HEATR5B: variants seen among roughly 807,000 people sequenced by gnomAD.
The protein encoded by HEATR5B is HEAT repeat containing 5B.
A neutral mutation model predicts 224.1 loss-of-function variants in HEATR5B; 156 were observed. The observed-to-expected ratio is 0.70, with a 90% CI of 0.61 to 0.80. HEATR5B has a LOEUF of 0.80. Among genes scored for constraint, HEATR5B ranks in the 30% least tolerant of loss-of-function variants. HEATR5B has a pLI of 0.00. For synonymous variants in HEATR5B, 1,027 were observed against 893.0 expected (o/e 1.15, Z -2.68); for missense variants, 2,323 against 2,535.5 (o/e 0.92, Z 1.80).
At chr2:37,008,954 T>G in intron 27 of HEATR5B, 106 bp from the exon 28 acceptor site, 3 of 821,198 alleles carry the variant, frequency 3.7e-6, no homozygotes, top group Non-Finnish European at 5.8e-6. Context: ...TAACTGGGTA[T>G]AGATATTAGA....
In HEATR5B at chr2:37,070,333, G is replaced by A; in HGVS notation, c.824C>T (p.Ala275Val). The A allele has an allele frequency of 6.2e-7, 1 of 1,613,722 alleles. No individual in the cohort carries two copies. The highest frequency in any genetic ancestry group is 1.1e-5 in the South Asian group (1 of 91,064). Residue 275 changes from alanine (A) to valine (V), a missense_variant, in exon 7 of 36, where the codon GCC becomes GTC. Physicochemically the swap from Ala to Val is moderately conservative, Grantham distance 64. Transcript: ENST00000233099. ...ATFDEVLELMATGFLRGGSGF... is the reference protein window; with the variant it reads ...ATFDEVLELMVTGFLRGGSGF... ...TGACCCTCCACGCAGAAATCCTGTGGCCATGAGTTCTAAGACTTCATCAAA... is the reference window on the plus strand; with the variant it reads ...TGACCCTCCACGCAGAAATCCTGTGACCATGAGTTCTAAGACTTCATCAAA...
chr2:36,992,952 T>C (rs1173239247), intron 33 of HEATR5B, among the ~76,000 whole-genome samples: 1 of 152,128 alleles, frequency 6.6e-6, no homozygotes, highest in African/African-American at 2.4e-5. Flanking sequence ...TCCGAACTTC[T>C]GGCCTAAAGC....
At chr2:36,983,112 C>T (rs62133071) in intron 35 of HEATR5B, among the ~76,000 whole-genome samples, 31,795 of 151,988 alleles carry the variant, frequency 0.21, 4,271 homozygotes, top group East Asian at 0.64. Context: ...CAGAAGTTTC[C>T]AATTAAATGG....
chr2:37,020,841 A>G lies in HEATR5B; in HGVS notation c.3854-5T>C, dbSNP rs10203555. ...GATGAAGTACCAAGAGGTCATCTAA[A>G]AATAAAAATAGAATGCAAAAATGAA... On this transcript the variant is annotated splice_polypyrimidine_tract_variant and splice_region_variant and intron_variant, in intron 24 of 35. Transcript: ENST00000233099. 1.9e-5 allele frequency: 28 copies of G among 1,470,360 alleles called. No homozygotes were observed. Among genetic ancestry groups the G allele is most frequent in the Non-Finnish European group, 9.0e-7 (1 of 1,105,346 alleles). 91.1% of individuals were successfully genotyped at this position (1,470,360 alleles called of 1,614,324 possible).
chr2:37,048,013 AC>A (rs1461454977), intron 18 of HEATR5B, among the ~76,000 whole-genome samples: 19 of 152,190 alleles, frequency 1.2e-4, no homozygotes, highest in Non-Finnish European at 1.0e-4. Context: ...AAAATGGGTA[AC>A]AAAATCTTCG....
Position 37,057,326 on chromosome 2 carries a change from A to G in HEATR5B, c.2214T>C (p.Ile738=). Reference sequence around the variant, plus strand: ...CCTCTATGTTTATTACCTGGTCTTCAATTGATTTATGATCAGTTTCCTGAA... The same window carrying G: ...CCTCTATGTTTATTACCTGGTCTTCGATTGATTTATGATCAGTTTCCTGAA... The part of the protein sequence containing the change: ...SWLQETDHKS[I]EDQLQPNSAS... The change falls in exon 15 of 36, where the codon ATT becomes ATC. Residue 738 remains isoleucine (I), a synonymous_variant. Transcript: ENST00000233099. 6.2e-7 allele frequency: 1 copy of G among 1,601,390 alleles called. No homozygotes were observed. Among genetic ancestry groups the G allele is most frequent in the Non-Finnish European group, 8.5e-7 (1 of 1,175,702 alleles).
rs560173881 is a variant in HEATR5B, at chr2:37,014,974, AAAAG to A, written c.4105-958_4105-955del. Among the ~76,000 whole-genome samples, 5 of 152,150 alleles carry A rather than the reference AAAAG, an allele frequency of 3.3e-5. No individual in the cohort carries two copies. The East Asian group carries it at 9.6e-4, about 29-fold the overall frequency. ...CCACGACAGGGCGAGACTTTGTCTCAAAAGAAAGAAAGAAAAAAAAAGGAATAGG... is the reference window on the plus strand; with the variant it reads ...CCACGACAGGGCGAGACTTTGTCTCAAAAGAAAGAAAAAAAAAGGAATAGG... On this transcript the variant is annotated intron_variant, in intron 26 of 35. Transcript: ENST00000233099.
chr2:36,998,541 C>T (rs560197393), intron 33 of HEATR5B, among the ~76,000 whole-genome samples: 25 of 152,212 alleles, frequency 1.6e-4, no homozygotes, highest in African/African-American at 6.0e-4. Context: ...GGTGTACATC[C>T]TAGAAAATCT....
At chr2:37,007,016 A>T in intron 29 of HEATR5B, 34 bp downstream of exon 29, 2 of 1,594,348 alleles carry the variant, frequency 1.3e-6, no homozygotes, top group Non-Finnish European at 1.7e-6. Flanking sequence ...TTCAGAAGTG[A>T]TAATCTTGAA....
At chr2:37,016,930 T>G (rs2148425962) in intron 26 of HEATR5B, among the ~76,000 whole-genome samples, 1 of 152,186 alleles carries the variant, frequency 6.6e-6, no homozygotes, top group East Asian at 1.9e-4. Flanking sequence ...TAATTAAATT[T>G]AAAGTGAAAA....
At chr2:37,033,723 C>T (rs188060131) in intron 21 of HEATR5B, among the ~76,000 whole-genome samples, 321 of 152,304 alleles carry the variant, frequency 2.1e-3, no homozygotes, top group Non-Finnish European at 3.5e-3. Context: ...GGCTCTGTCA[C>T]TTATTCCTGT....
chr2:36,988,319 C>T (rs1244858163), intron 35 of HEATR5B, among the ~76,000 whole-genome samples: 1 of 151,238 alleles, frequency 6.6e-6, no homozygotes, highest in Non-Finnish European at 1.5e-5. Flanking sequence ...CTGGAGTGCG[C>T]TGGCATGATC....
At chr2:37,020,965 A>G in intron 24 of HEATR5B, 129 bp from the exon 25 acceptor site, 1 of 588,724 alleles carries the variant, frequency 1.7e-6, no homozygotes. Flanking sequence ...TGAAAATAGC[A>G]AAGATATTAT....
intron 33 of HEATR5B, among the ~76,000 whole-genome samples, chr2:36,999,473 T>C (rs1483715545): frequency 6.7e-6 from 1 of 149,648 alleles, no homozygotes; most frequent in Non-Finnish European, 1.5e-5. Flanking sequence ...AGGTCAGGAG[T>C]TTGAGATCAG....
Position 36,991,690 on chromosome 2 carries a change from A to C in HEATR5B, c.5546-891T>G, listed in dbSNP as rs186925374. On this transcript the variant is annotated intron_variant, in intron 33 of 35. Transcript: ENST00000233099. ...TCTGAACATATAAAATACGAGTTCCAAACATTTTGTGATTATCATTTCTTC... is the reference window on the plus strand; with the variant it reads ...TCTGAACATATAAAATACGAGTTCCCAACATTTTGTGATTATCATTTCTTC... Among the ~76,000 whole-genome samples the C allele has an allele frequency of 2.0e-5, 3 of 152,304 alleles. No homozygotes were observed. In the East Asian group the frequency reaches 5.8e-4, roughly 29 times the overall value.
chr2:37,079,204 G>A lies in HEATR5B; in HGVS notation c.254C>T (p.Thr85Ile), dbSNP rs558876558. ...NLAALYSIGDTFTVFQTLDKC... is the reference protein window; with the variant it reads ...NLAALYSIGDIFTVFQTLDKC... The stretch of plus-strand genomic sequence containing the variant: ...ATCAAGTGTCTGAAAAACTGTGAAA[G>A]TATCCCCAATGCTATAAAGGGCTGC... Residue 85 changes from threonine (T) to isoleucine (I), a missense_variant, in exon 3 of 36, where the codon ACT becomes ATT. Thr to Ile is a moderately conservative substitution (Grantham distance 89). Coordinates refer to ENST00000233099, the MANE Select transcript of HEATR5B (RefSeq NM_019024.3). The A allele has an allele frequency of 6.2e-7, 1 of 1,607,714 alleles. No individual in the cohort carries two copies. The highest frequency in any genetic ancestry group is 1.1e-5 in the South Asian group (1 of 90,902).
At chr2:37,012,838 C>T (rs1184688568) in intron 27 of HEATR5B, among the ~76,000 whole-genome samples, 2 of 152,214 alleles carry the variant, frequency 1.3e-5, no homozygotes, top group Non-Finnish European at 2.9e-5. Flanking sequence ...GTAAACATCA[C>T]TTTCTCCAAA....
chr2:37,037,783 C>G, intron 21 of HEATR5B, 72 bp downstream of exon 21: 1 of 1,108,868 alleles, frequency 9.0e-7, no homozygotes, highest in East Asian at 2.9e-5. Context: ...TAGTATGTAT[C>G]CATAAAAAAT....
In HEATR5B at chr2:37,004,558, A is replaced by G. The variant is rs1247752491; in HGVS notation, c.4906-872T>C. ...TTCCACTTCCTTTACTCTCTTATTC[A>G]CTCCTCAATCTTCTACTATCTGGCT... is the stretch of plus-strand genomic sequence containing the variant. On this transcript the variant is annotated intron_variant, in intron 30 of 35. Transcript: ENST00000233099. Among the ~76,000 whole-genome samples the G allele has an allele frequency of 3.4e-5, 5 of 147,684 alleles. No individual in the cohort carries two copies. The South Asian group carries it at 6.5e-4, about 19-fold the overall frequency.
Sources: allele counts gnomAD v4.1 joint callset (sites outside exome capture counted in the v4.1 genomes callset), GRCh38; gene constraint gnomAD v4.1.1; transcripts MANE v1.5; gene names NCBI Gene and HGNC (gene_info 2026-07-23, HGNC 2026-07-21).